Variants in SUCLG2 observed in about 807,000 individuals in gnomAD.
SUCLG2 encodes the protein succinate-CoA ligase GDP-forming subunit beta.
SUCLG2 carries 42 observed loss-of-function variants against 47.9 expected under a neutral mutation model. That is an observed-to-expected ratio of 0.88 (90% CI 0.69 to 1.14). The LOEUF is 1.14. Among genes scored for constraint, SUCLG2 ranks in the 50% most tolerant of loss-of-function variants. The pLI, the probability that SUCLG2 is intolerant of heterozygous loss-of-function variation, is 0.00. For synonymous variants in SUCLG2, 195 were observed against 197.3 expected (o/e 0.99, Z 0.10); for missense variants, 571 against 525.9 (o/e 1.09, Z -0.84).
chr3:67,523,928 C>T (rs566586083), intron 4 of SUCLG2, among the ~76,000 whole-genome samples: 8 of 152,294 alleles, frequency 5.3e-5, no homozygotes, highest in East Asian at 3.9e-4. Context: ...TGTTGACAGA[C>T]GTGCTCTGTA....
intron 9 of SUCLG2, among the ~76,000 whole-genome samples, chr3:67,466,823 G>A (rs1268689550): frequency 1.3e-5 from 2 of 152,136 alleles, no homozygotes; most frequent in African/African-American, 4.8e-5. Context: ...GGAAACGTAT[G>A]GACAGTAAGG....
intron 9 of SUCLG2, among the ~76,000 whole-genome samples, chr3:67,482,670 G>A (rs961510092): frequency 6.6e-6 from 1 of 152,154 alleles, no homozygotes; most frequent in African/African-American, 2.4e-5. Flanking sequence ...ATCTAAATAT[G>A]AGGTGATTTT....
At chr3:67,398,194 T>G (rs1293395457) in intron 10 of SUCLG2, among the ~76,000 whole-genome samples, 3 of 150,156 alleles carry the variant, frequency 2.0e-5, no homozygotes, top group Non-Finnish European at 4.5e-5. Context: ...CTAAAGAGCT[T>G]CTGCGCAGCA....
chr3:67,642,242 T>A (rs926943006), intron 1 of SUCLG2, among the ~76,000 whole-genome samples: 2 of 152,190 alleles, frequency 1.3e-5, no homozygotes, highest in African/African-American at 4.8e-5. Flanking sequence ...TGAGGAGATG[T>A]GCAGGGCAAC....
chr3:67,485,150 C>T (rs1039269098), intron 9 of SUCLG2, among the ~76,000 whole-genome samples: 9 of 152,130 alleles, frequency 5.9e-5, no homozygotes, highest in Admixed American at 5.9e-4. Flanking sequence ...GGGACTGTGT[C>T]AAATATTAAT....
At chr3:67,493,053 C>A (rs922816131) in intron 9 of SUCLG2, among the ~76,000 whole-genome samples, 3 of 152,248 alleles carry the variant, frequency 2.0e-5, no homozygotes, top group African/African-American at 7.2e-5. Flanking sequence ...ACTAACTAAT[C>A]CTTACATCTA....
chr3:67,622,244 G>A (rs1201581395), intron 1 of SUCLG2, among the ~76,000 whole-genome samples: 1 of 152,140 alleles, frequency 6.6e-6, no homozygotes, highest in Non-Finnish European at 1.5e-5. Flanking sequence ...AAACACAGGG[G>A]AAAAACTAGC....
intron 9 of SUCLG2, among the ~76,000 whole-genome samples, chr3:67,489,597 T>C (rs1705154299): frequency 6.6e-6 from 1 of 152,208 alleles, no homozygotes; most frequent in Non-Finnish European, 1.5e-5. Flanking sequence ...ATTTCAAAAA[T>C]AATGCTTGTG....
chr3:67,611,380 A>G (rs1052393016), intron 1 of SUCLG2, among the ~76,000 whole-genome samples: 1 of 152,222 alleles, frequency 6.6e-6, no homozygotes, highest in African/African-American at 2.4e-5. Context: ...TTATTTCTTA[A>G]TCTTACTTTT....
At chr3:67,507,907 G>A (rs1705681551) in intron 7 of SUCLG2, among the ~76,000 whole-genome samples, 2 of 152,206 alleles carry the variant, frequency 1.3e-5, no homozygotes. Flanking sequence ...CCATTCCACT[G>A]TTTTGACAGC....
At chr3:67,515,573 A>G (rs2107116570) in intron 6 of SUCLG2, among the ~76,000 whole-genome samples, 1 of 152,312 alleles carries the variant, frequency 6.6e-6, no homozygotes, top group African/African-American at 2.4e-5. Flanking sequence ...ATATTCAACC[A>G]TGAGTGAGGT....
chr3:67,537,375 C>T (rs1706572878), intron 2 of SUCLG2, among the ~76,000 whole-genome samples: 1 of 152,162 alleles, frequency 6.6e-6, no homozygotes, highest in Admixed American at 6.5e-5. Context: ...CAGCTTCATC[C>T]ATGTCCCTGA....
chr3:67,644,239 C>A lies in SUCLG2; in HGVS notation c.84+10264G>T, dbSNP rs539426327. ...AAAGGGAAAGCAACCCAAGTGTCCACCGACAAATTAATGGATTAAAAAAAA... is the reference window on the plus strand; with the variant it reads ...AAAGGGAAAGCAACCCAAGTGTCCAACGACAAATTAATGGATTAAAAAAAA... On this transcript the variant is annotated intron_variant, in intron 1 of 10. Coordinates refer to ENST00000307227, the MANE Select transcript of SUCLG2 (RefSeq NM_003848.4). Among the ~76,000 whole-genome samples, 8 of 151,856 alleles carry A rather than the reference C, an allele frequency of 5.3e-5. No homozygotes were observed. The South Asian group carries it at 1.5e-3, about 28-fold the overall frequency.
chr3:67,396,316 G>A (rs566665030), intron 10 of SUCLG2, among the ~76,000 whole-genome samples: 21 of 151,912 alleles, frequency 1.4e-4, no homozygotes, highest in South Asian at 6.3e-4. Flanking sequence ...TCAAATAGAC[G>A]CAATAAAAAA....
At chr3:67,530,820 A>C (rs1706383866) in intron 2 of SUCLG2, among the ~76,000 whole-genome samples, 1 of 152,242 alleles carries the variant, frequency 6.6e-6, no homozygotes, top group Admixed American at 6.5e-5. Flanking sequence ...TCTTATAATA[A>C]ACTGGTTTCC....
intron 1 of SUCLG2, among the ~76,000 whole-genome samples, chr3:67,622,522 C>T (rs1700752826): frequency 6.6e-6 from 1 of 152,166 alleles, no homozygotes; most frequent in South Asian, 2.1e-4. Context: ...GTAGTTGGAA[C>T]TTCTTCACAT....
intron 9 of SUCLG2, among the ~76,000 whole-genome samples, chr3:67,448,140 T>C (rs1703971763): frequency 1.3e-5 from 2 of 152,200 alleles, no homozygotes; most frequent in East Asian, 3.8e-4. Context: ...GATATATAGA[T>C]GATATTCACT....
chr3:67,389,565 C>T (rs957854208), intron 10 of SUCLG2, among the ~76,000 whole-genome samples: 2 of 152,148 alleles, frequency 1.3e-5, no homozygotes, highest in Non-Finnish European at 2.9e-5. Context: ...GGGACCTTTG[C>T]GAAATGTCTT....
intron 9 of SUCLG2, among the ~76,000 whole-genome samples, chr3:67,479,691 G>T (rs1022613256): frequency 9.2e-5 from 14 of 152,242 alleles, no homozygotes; most frequent in Non-Finnish European, 1.8e-4. Flanking sequence ...CTTGTGAAAA[G>T]AAGCAGTTGA....
Sources: gnomAD v4.1 joint callset for allele counts (sites outside exome capture counted in the v4.1 genomes callset) on GRCh38, gnomAD v4.1.1 for gene constraint, MANE v1.5 for transcripts, NCBI Gene and HGNC (gene_info 2026-07-23, HGNC 2026-07-21) for gene names.